Variants in MCPH1 observed in about 807,000 individuals in gnomAD.
The protein encoded by MCPH1 is microcephalin 1.
A neutral mutation model predicts 84.5 loss-of-function variants in MCPH1; 104 were observed. The observed-to-expected ratio is 1.23, with a 90% CI of 1.05 to 1.45. The LOEUF is 1.45. Ranked by LOEUF, MCPH1 falls within the 40% of genes most tolerant of loss-of-function variation. The pLI, the probability that MCPH1 is intolerant of heterozygous loss-of-function variation, is 0.00. For synonymous variants in MCPH1, 514 were observed against 366.8 expected (o/e 1.40, Z -4.58); for missense variants, 1,498 against 1,005.7 (o/e 1.49, Z -6.62).
chr8:6,566,971 T>C lies in MCPH1; in HGVS notation c.2215-54483T>C, dbSNP rs537571561. The stretch of plus-strand genomic sequence containing the variant: ...GTGTGATCGGCAAGGCCATGGATAG[T>C]ACACGCGGTGCGGTGACGGTGTGTG... On this transcript the variant is annotated intron_variant, in intron 12 of 13. Coordinates refer to ENST00000344683, the MANE Select transcript of MCPH1 (RefSeq NM_024596.5). Among the ~76,000 whole-genome samples the C allele has an allele frequency of 1.1e-3, 148 of 140,610 alleles. 1 individual carries two copies. Among genetic ancestry groups the C allele is most frequent in the African/African-American group, 3.8e-3 (141 of 36,774 alleles). The allele number at this position is 140,610 out of a possible 152,430, so 92.2% of individuals were successfully genotyped here.
chr8:6,447,797 C>T (rs1050992228), intron 8 of MCPH1, among the ~76,000 whole-genome samples: 3 of 152,358 alleles, frequency 2.0e-5, no homozygotes, highest in Admixed American at 6.5e-5. Flanking sequence ...GATCTACCCT[C>T]CTCGGCCTCC....
intron 4 of MCPH1, among the ~76,000 whole-genome samples, chr8:6,434,424 G>C (rs1277540493): frequency 6.6e-6 from 1 of 152,152 alleles, no homozygotes; most frequent in East Asian, 1.9e-4. Context: ...TGGCTATAAA[G>C]CACCACTGTC....
intron 12 of MCPH1, chr8:6,562,889 C>G (rs764590708): frequency 5.0e-6 from 8 of 1,608,816 alleles, no homozygotes; most frequent in East Asian, 2.2e-5. Context: ...TAGGCTGCGG[C>G]CAAGACAAGA....
At chr8:6,625,419 A>T in intron 13 of MCPH1, 1 of 985,406 alleles carries the variant, frequency 1.0e-6, no homozygotes, top group Non-Finnish European at 1.2e-6. Context: ...GTTCATTTCC[A>T]TTATAACAAA....
intron 9 of MCPH1, among the ~76,000 whole-genome samples, chr8:6,473,433 G>A (rs891434632): frequency 7.3e-6 from 1 of 136,538 alleles, no homozygotes; most frequent in Non-Finnish European, 1.5e-5. Flanking sequence ...CCAGGTTCAC[G>A]CCATTCTCCT....
At chr8:6,525,691 T>A (rs1818200573) in intron 12 of MCPH1, among the ~76,000 whole-genome samples, 1 of 152,244 alleles carries the variant, frequency 6.6e-6, no homozygotes, top group Non-Finnish European at 1.5e-5. Context: ...AAACACAGCA[T>A]GCAGAACTCA....
intron 12 of MCPH1, among the ~76,000 whole-genome samples, chr8:6,546,942 T>C (rs1304113682): frequency 1.3e-5 from 2 of 152,236 alleles, no homozygotes; most frequent in Non-Finnish European, 2.9e-5. Flanking sequence ...AAAACAGCCA[T>C]GTTCCTTGCA....
At chr8:6,517,983 A>C (rs1417305156) in intron 12 of MCPH1, among the ~76,000 whole-genome samples, 1 of 152,190 alleles carries the variant, frequency 6.6e-6, no homozygotes, top group Non-Finnish European at 1.5e-5. Context: ...GTTTAAAGGG[A>C]ATATAAATCC....
At chr8:6,495,557 G>A (rs901071698) in intron 11 of MCPH1, among the ~76,000 whole-genome samples, 50 of 152,196 alleles carry the variant, frequency 3.3e-4, no homozygotes, top group African/African-American at 1.2e-3. Flanking sequence ...AAAATCTGAT[G>A]AGAACAATCT....
At chr8:6,571,128 G>A (rs915077451) in intron 12 of MCPH1, among the ~76,000 whole-genome samples, 5 of 152,098 alleles carry the variant, frequency 3.3e-5, no homozygotes, top group African/African-American at 1.2e-4. Flanking sequence ...TCAAAAAAAT[G>A]CCAGAAGGTC....
At chr8:6,407,313 A>G (rs957875617) in intron 1 of MCPH1, among the ~76,000 whole-genome samples, 1 of 151,800 alleles carries the variant, frequency 6.6e-6, no homozygotes, top group Non-Finnish European at 1.5e-5. Flanking sequence ...CTAGTATGGT[A>G]TTGTCTGATT....
At chr8:6,532,346 C>T in intron 12 of MCPH1, 1 of 1,614,140 alleles carries the variant, frequency 6.2e-7, no homozygotes, top group South Asian at 1.1e-5. Flanking sequence ...GCTTCCACAT[C>T]AGTTAACTTC....
intron 8 of MCPH1, among the ~76,000 whole-genome samples, chr8:6,454,779 A>G (rs1585869224): frequency 2.0e-5 from 3 of 152,326 alleles, no homozygotes; most frequent in Non-Finnish European, 4.4e-5. Flanking sequence ...TATTGCCTCT[A>G]ATATGGAACT....
At chr8:6,495,754 C>T (rs1235354814) in intron 11 of MCPH1, among the ~76,000 whole-genome samples, 1 of 152,168 alleles carries the variant, frequency 6.6e-6, no homozygotes, top group African/African-American at 2.4e-5. Flanking sequence ...ACCCCAATCA[C>T]TTTCAGTGAT....
chr8:6,446,488 A>G, intron 8 of MCPH1: 1 of 984,808 alleles, frequency 1.0e-6, no homozygotes, highest in Non-Finnish European at 1.2e-6. Flanking sequence ...CACAAAAAGA[A>G]TGAAAATAAT....
At chr8:6,624,841 T>G (rs1293825429) in intron 13 of MCPH1, 1 of 985,382 alleles carries the variant, frequency 1.0e-6, no homozygotes, top group Non-Finnish European at 1.2e-6. Context: ...TCCAGGCTAT[T>G]TGCTTATTCT....
At chr8:6,430,516 A>G (rs906730662) in intron 3 of MCPH1, among the ~76,000 whole-genome samples, 1 of 152,254 alleles carries the variant, frequency 6.6e-6, no homozygotes, top group African/African-American at 2.4e-5. Flanking sequence ...TGCATAGACC[A>G]TACTGTGCCG....
At chr8:6,419,186 CACGCAT>C (rs1238159809) in intron 3 of MCPH1, among the ~76,000 whole-genome samples, 2 of 12,936 alleles carry the variant, frequency 1.5e-4, no homozygotes, top group African/African-American at 2.2e-4. Context: ...CACACACACA[CACGCAT>C]TTTTACCCCA....
chr8:6,499,066 TTAAATAAATAAA>T (rs150879047), intron 11 of MCPH1, among the ~76,000 whole-genome samples: 36,412 of 148,070 alleles, frequency 0.25, 5,762 homozygotes, highest in Middle Eastern at 0.42. Flanking sequence ...AATAAATAAA[TTAAATAAATAAA>T]TAAATAAATA....
Sources: allele counts gnomAD v4.1 joint callset (sites outside exome capture counted in the v4.1 genomes callset), GRCh38; gene constraint gnomAD v4.1.1; transcripts MANE v1.5; gene names NCBI Gene and HGNC (gene_info 2026-07-23, HGNC 2026-07-21).